DYNC1I1: variants seen among roughly 807,000 people sequenced by gnomAD.
DYNC1I1 encodes the protein cytoplasmic dynein 1 intermediate chain 1.
Under a neutral mutation model 86.6 loss-of-function variants are expected in DYNC1I1, and 43 were observed. The observed-to-expected ratio is 0.50, with a 90% CI of 0.39 to 0.64. The LOEUF (loss-of-function observed/expected upper bound fraction) is 0.64, where lower values mean the gene tolerates loss of function less well. Ranked by LOEUF, DYNC1I1 falls within the 30% of genes least tolerant of loss-of-function variation. The pLI is 0.00. For missense variants in DYNC1I1, 604 were observed against 788.8 expected (o/e 0.77, Z 2.81); for synonymous variants, 262 against 283.7 (o/e 0.92, Z 0.77).
intron 6 of DYNC1I1, among the ~76,000 whole-genome samples, chr7:95,885,808 A>G (rs556396451): frequency 2.2e-4 from 33 of 152,310 alleles, no homozygotes; most frequent in Non-Finnish European, 4.3e-4. Flanking sequence ...TTCTTAAAAA[A>G]TCAGAAGTGT....
rs200215443 is a variant in DYNC1I1, at chr7:95,981,321, C to T, written c.581-3494C>T. Among the ~76,000 whole-genome samples the T allele has an allele frequency of 2.7e-4, 41 of 152,010 alleles. No individual in the cohort carries two copies. The East Asian group carries it at 6.0e-3, about 22-fold the overall frequency. ...GATAGCAGGAAAGGTCAAGAAAACACGGCAAATGAAATACAATCATGCTTG... is the reference window on the plus strand; with the variant it reads ...GATAGCAGGAAAGGTCAAGAAAACATGGCAAATGAAATACAATCATGCTTG... On this transcript the variant is annotated intron_variant, in intron 7 of 16. Transcript: ENST00000447467.
At chr7:95,877,053 A>G (rs1179128439) in intron 6 of DYNC1I1, among the ~76,000 whole-genome samples, 1 of 152,226 alleles carries the variant, frequency 6.6e-6, no homozygotes, top group Admixed American at 6.5e-5. Context: ...CTTGCCCCCA[A>G]TTCAGCTTTA....
chr7:95,946,335 A>T (rs1010160450), intron 6 of DYNC1I1, among the ~76,000 whole-genome samples: 12 of 152,102 alleles, frequency 7.9e-5, no homozygotes, highest in African/African-American at 2.9e-4. Flanking sequence ...GGAGAGAATG[A>T]TATTTAAGAC....
intron 5 of DYNC1I1, among the ~76,000 whole-genome samples, chr7:95,856,703 G>A (rs6952474): frequency 2.5e-3 from 375 of 152,250 alleles, no homozygotes; most frequent in South Asian, 0.012. Context: ...TTTGCTGGCC[G>A]GGTGTGGTGG....
chr7:95,956,054 G>T (rs1339888779), intron 6 of DYNC1I1, among the ~76,000 whole-genome samples: 1 of 152,136 alleles, frequency 6.6e-6, no homozygotes, highest in Non-Finnish European at 1.5e-5. Flanking sequence ...GAATTGAAAA[G>T]TGTTATGCTT....
chr7:95,992,610 C>T lies in DYNC1I1; in HGVS notation c.844-3338C>T, dbSNP rs376375235. Among the ~76,000 whole-genome samples, 22 of 152,124 alleles carry T rather than the reference C, an allele frequency of 1.4e-4. No individual in the cohort carries two copies. The East Asian group carries it at 4.3e-3, about 29-fold the overall frequency. On this transcript the variant is annotated intron_variant, in intron 9 of 16. Coordinates refer to ENST00000447467, the MANE Select transcript of DYNC1I1 (RefSeq NM_001135556.2). ...ACTTAAAACATGATGGTTCCTTCCTCTCCAGTAAATGCTAGGTTCTTTTTT... is the reference window on the plus strand; with the variant it reads ...ACTTAAAACATGATGGTTCCTTCCTTTCCAGTAAATGCTAGGTTCTTTTTT...
intron 16 of DYNC1I1, among the ~76,000 whole-genome samples, chr7:96,087,441 G>A (rs1019165709): frequency 2.6e-5 from 4 of 152,174 alleles, no homozygotes; most frequent in African/African-American, 9.7e-5. Context: ...CAAGATCCAG[G>A]TATGATCATC....
intron 3 of DYNC1I1, among the ~76,000 whole-genome samples, chr7:95,812,756 A>G (rs1185139743): frequency 6.6e-6 from 1 of 152,204 alleles, no homozygotes; most frequent in Non-Finnish European, 1.5e-5. Context: ...TTCTCTCTCA[A>G]TGCAGACATA....
chr7:95,840,503 C>T (rs1303979378), intron 5 of DYNC1I1, among the ~76,000 whole-genome samples: 1 of 152,186 alleles, frequency 6.6e-6, no homozygotes, highest in Non-Finnish European at 1.5e-5. Context: ...TGAACATCTT[C>T]ATGATCAACA....
intron 6 of DYNC1I1, among the ~76,000 whole-genome samples, chr7:95,912,942 T>C (rs1238067328): frequency 1.3e-5 from 2 of 152,088 alleles, no homozygotes; most frequent in East Asian, 1.9e-4. Flanking sequence ...TACTCCCCCA[T>C]GCTCCCAAAA....
At chr7:95,877,095 A>T (rs975667089) in intron 6 of DYNC1I1, among the ~76,000 whole-genome samples, 4 of 152,122 alleles carry the variant, frequency 2.6e-5, no homozygotes, top group African/African-American at 7.2e-5. Context: ...GCAGCAGAAA[A>T]CACAGGGCTA....
intron 9 of DYNC1I1, among the ~76,000 whole-genome samples, chr7:95,988,724 T>C (rs891939404): frequency 1.3e-5 from 2 of 152,258 alleles, no homozygotes; most frequent in African/African-American, 4.8e-5. Flanking sequence ...TTCTGCTTTC[T>C]TGTTGTCAAT....
intron 6 of DYNC1I1, among the ~76,000 whole-genome samples, chr7:95,951,793 G>A (rs1485980602): frequency 6.6e-6 from 1 of 152,128 alleles, no homozygotes; most frequent in African/African-American, 2.4e-5. Context: ...GTGGTTTCTT[G>A]TGTAAGCTCA....
intron 1 of DYNC1I1, among the ~76,000 whole-genome samples, chr7:95,791,102 A>G (rs1439727193): frequency 6.6e-6 from 1 of 152,214 alleles, no homozygotes; most frequent in East Asian, 1.9e-4. Context: ...TTTTAGGAAA[A>G]TCTAATTTTA....
intron 5 of DYNC1I1, among the ~76,000 whole-genome samples, chr7:95,842,233 C>T (rs1036554225): frequency 2.6e-5 from 4 of 152,214 alleles, no homozygotes; most frequent in East Asian, 1.9e-4. Context: ...CTTTATTAGC[C>T]GTGGACGGAG....
chr7:95,937,718 CCAAAAATATTAAAACAAAAAAATG>C (rs1562949420), intron 6 of DYNC1I1, among the ~76,000 whole-genome samples: 1 of 151,604 alleles, frequency 6.6e-6, no homozygotes, highest in South Asian at 2.1e-4. Context: ...CTAAATGGTT[CCAAAAATATTAAAACAAAAAAATG>C]CAAAAATATT....
At chr7:95,835,661 T>C (rs1170039275) in intron 5 of DYNC1I1, among the ~76,000 whole-genome samples, 6 of 152,166 alleles carry the variant, frequency 3.9e-5, no homozygotes, top group Non-Finnish European at 8.8e-5. Context: ...TGCTCCTGTA[T>C]TGGGTGCATA....
chr7:96,059,462 C>T (rs781403917), intron 14 of DYNC1I1, among the ~76,000 whole-genome samples: 1 of 152,096 alleles, frequency 6.6e-6, no homozygotes, highest in Non-Finnish European at 1.5e-5. Flanking sequence ...TTTTTTGCCA[C>T]TCTTTGCTTA....
chr7:95,795,208 G>T (rs1794404762), intron 1 of DYNC1I1, among the ~76,000 whole-genome samples: 1 of 151,816 alleles, frequency 6.6e-6, no homozygotes, highest in Admixed American at 6.6e-5. Flanking sequence ...GCTTTCTTTG[G>T]ATTTAAATTA....
Sources: gnomAD v4.1 joint callset for allele counts (sites outside exome capture counted in the v4.1 genomes callset) on GRCh38, gnomAD v4.1.1 for gene constraint, MANE v1.5 for transcripts, NCBI Gene and HGNC (gene_info 2026-07-23, HGNC 2026-07-21) for gene names.